Variants in C1orf56 observed in about 807,000 individuals in gnomAD.
C1orf56 encodes protein MENT.
C1orf56 carries 14 observed loss-of-function variants against 20.7 expected under a neutral mutation model. The observed-to-expected ratio is 0.68, with a 90% CI of 0.45 to 1.06. The LOEUF (loss-of-function observed/expected upper bound fraction) is 1.06. Among genes scored for constraint, C1orf56 ranks in the 50% least tolerant of loss-of-function variants. The probability of loss-of-function intolerance (pLI) is 0.00; values close to 1 mark genes in which losing one functional copy is unlikely to be tolerated. For synonymous variants in C1orf56, 187 were observed against 194.7 expected, an observed-to-expected ratio of 0.96 and a Z score of 0.33; for missense variants, 424 against 451.4, an observed-to-expected ratio of 0.94 and a Z score of 0.55.
Position 151,047,838 on chromosome 1 carries a change from G to A in C1orf56, c.-10G>A. ...ACTGGCCACCCTCCCAACCCCAAGA[G>A]CCCAGCCCCATGGTCCCCGCCGCCG... On this transcript the variant is annotated 5_prime_UTR_variant, in exon 1 of 2. Coordinates refer to ENST00000368926, the MANE Select transcript of C1orf56 (RefSeq NM_017860.5). 6.4e-7 allele frequency: 1 copy of A among 1,551,988 alleles called. No homozygotes were observed.
Position 151,048,055 on chromosome 1 carries a change from G to A in C1orf56, c.208G>A (p.Ala70Thr), listed in dbSNP as rs759197324. ...TRIILEDEND[A>T]MADADRLAGP... ...GATAATCCTAGAGGACGAGAATGAT[G>A]CCATGGCCGACGCCGACCGCCTGGC... is the stretch of plus-strand genomic sequence containing the variant. The change falls in exon 1 of 2, where the codon GCC becomes ACC. Residue 70 changes from alanine (A) to threonine (T), a missense_variant. Physicochemically the swap from Ala to Thr is moderately conservative, Grantham distance 58. Transcript: ENST00000368926. This position sits in a 1 kb window ranked among gnomAD's most constrained non-coding sequence, Gnocchi z 4.8. 3.7e-6 allele frequency: 6 copies of A among 1,614,124 alleles called. No individual in the cohort carries two copies. The highest frequency in any genetic ancestry group is 2.7e-5 in the African/African-American group (2 of 75,066).
Position 151,047,890 on chromosome 1 carries a change from A to T in C1orf56, c.43A>T (p.Asn15Tyr). Residue 15 changes from asparagine (N) to tyrosine (Y), a missense_variant, in exon 1 of 2, where the codon AAT becomes TAT. Physicochemically the swap from Asn to Tyr is moderately radical, Grantham distance 143. Transcript: ENST00000368926. ...AGALLWVLLL[N>Y]LGPRAAGAQG... The stretch of plus-strand genomic sequence containing the variant: ...CGCGCTGCTGTGGGTCCTGCTGCTG[A>T]ATCTGGGTCCCCGGGCGGCGGGGGC... 1 of 1,605,756 alleles carries T rather than the reference A, an allele frequency of 6.2e-7. No individual in the cohort carries two copies. Among genetic ancestry groups the T allele is most frequent in the South Asian group, 1.1e-5 (1 of 90,200 alleles).
chr1:151,047,834 A>G lies in C1orf56; in HGVS notation c.-14A>G. 1 of 1,537,944 alleles carries G rather than the reference A, an allele frequency of 6.5e-7. No homozygotes were observed. The highest frequency in any genetic ancestry group is 8.7e-7 in the Non-Finnish European group (1 of 1,147,826). On this transcript the variant is annotated 5_prime_UTR_variant, in exon 1 of 2. Transcript: ENST00000368926. ...CCTCACTGGCCACCCTCCCAACCCC[A>G]AGAGCCCAGCCCCATGGTCCCCGCC...
intron 1 of C1orf56, chr1:151,049,734 G>A (rs1394569404): frequency 6.6e-6 from 1 of 152,128 alleles, no homozygotes; most frequent in Non-Finnish European, 1.5e-5. Context: ...ATCTCGCTAT[G>A]TTGCCCAGGC....
rs971394656 is a variant in C1orf56, at chr1:151,051,204, G to A, written c.*746G>A. On this transcript the variant is annotated 3_prime_UTR_variant, in exon 2 of 2. Transcript: ENST00000368926. ...TCACGGTGACCAGAGATTTCTAGGAGTCTCTAACCTTTCCACCCTATCCTG... is the reference window on the plus strand; with the variant it reads ...TCACGGTGACCAGAGATTTCTAGGAATCTCTAACCTTTCCACCCTATCCTG... The A allele has an allele frequency of 1.3e-5, 2 of 151,578 alleles. No individual in the cohort carries two copies. The highest frequency in any genetic ancestry group is 4.8e-5 in the African/African-American group (2 of 41,248). 9.4% of individuals were successfully genotyped at this position (151,578 alleles called of 1,614,324 possible).
Position 151,048,222 on chromosome 1 carries a change from C to T in C1orf56, c.375C>T (p.Pro125=), listed in dbSNP as rs1676100513. Reference sequence around the variant, plus strand: ...AGGATAGCACCAGCAGAGAGCTTCCCAGTGCGACTCCCAATACAGCGGGGA... The same window carrying T: ...AGGATAGCACCAGCAGAGAGCTTCCTAGTGCGACTCCCAATACAGCGGGGA... The part of the protein sequence containing the change: ...AGKDSTSREL[P]SATPNTAGSS... Residue 125 remains proline (P), a synonymous_variant, in exon 1 of 2, where the codon CCC becomes CCT. Coordinates refer to ENST00000368926, the MANE Select transcript of C1orf56 (RefSeq NM_017860.5). This position sits in a 1 kb window ranked among gnomAD's most constrained non-coding sequence, Gnocchi z 4.8. 6.2e-7 allele frequency: 1 copy of T among 1,614,120 alleles called. No individual in the cohort carries two copies. Among genetic ancestry groups the T allele is most frequent in the African/African-American group, 1.3e-5 (1 of 74,948 alleles).
Position 151,048,023 on chromosome 1 carries a change from A to G in C1orf56, c.176A>G (p.Lys59Arg), listed in dbSNP as rs587667964. The G allele has an allele frequency of 1.1e-5, 18 of 1,614,102 alleles. No individual in the cohort carries two copies. In the South Asian group the frequency reaches 1.4e-4, roughly 13 times the overall value. The stretch of plus-strand genomic sequence containing the variant: ...ACCGCCCGGACTGGTCTTCCCCGGA[A>G]GACAAGGATAATCCTAGAGGACGAG... ...RSTARTGLPR[K>R]TRIILEDEND... The change falls in exon 1 of 2, where the codon AAG becomes AGG. Residue 59 changes from lysine to arginine, a missense_variant. Transcript: ENST00000368926. This position sits in a 1 kb window ranked among gnomAD's most constrained non-coding sequence, Gnocchi z 4.8.
intron 1 of C1orf56, among the ~76,000 whole-genome samples, chr1:151,049,396 C>G (rs1282784438): frequency 6.6e-6 from 1 of 151,910 alleles, no homozygotes; most frequent in African/African-American, 2.4e-5. Context: ...GGATTATAGG[C>G]ATGAGCCACC....
intron 1 of C1orf56, 73 bp from the exon 2 acceptor site, chr1:151,050,365 T>C: frequency 6.8e-7 from 1 of 1,472,878 alleles, no homozygotes; most frequent in Admixed American, 1.9e-5. Flanking sequence ...GAGGGGGAGA[T>C]GAAGCAAGGA....
At position 151,048,134 on chromosome 1, in the gene C1orf56, G is replaced by T; in HGVS notation, c.287G>T (p.Arg96Leu). The change falls in exon 1 of 2, where the codon CGG becomes CTG. Residue 96 changes from arginine (R) to leucine (L), a missense_variant. By Grantham distance (102) the Arg-to-Leu change is moderately radical. Transcript: ENST00000368926. This position sits in a 1 kb window ranked among gnomAD's most constrained non-coding sequence, Gnocchi z 4.8. ...GCCACGGTGTCCACCGGCTTTAGCC[G>T]GTCGTCCGCCATTAACGAGGAGGAT... ...LAATVSTGFS[R>L]SSAINEEDGS... 6.2e-7 allele frequency: 1 copy of T among 1,613,642 alleles called. No individual in the cohort carries two copies. Among genetic ancestry groups the T allele is most frequent in the Middle Eastern group, 1.6e-4 (1 of 6,062 alleles).
rs1676178817 is a variant in C1orf56, at chr1:151,051,404, A to AAAG, written c.*948_*949insGAA. 1 of 147,654 alleles carries AAAG rather than the reference A, an allele frequency of 6.8e-6. No homozygotes were observed. The highest frequency in any genetic ancestry group is 1.5e-5 in the Non-Finnish European group (1 of 66,726). 9.1% of individuals were successfully genotyped at this position (147,654 alleles called of 1,614,324 possible). A position where few individuals can be genotyped will look rare whatever the true frequency, so the allele number is the denominator to read the frequency against. On this transcript the variant is annotated 3_prime_UTR_variant, in exon 2 of 2. Transcript: ENST00000368926. ...ATACATGGAAATTTGAAAAAAAAAA[A>AAAG]AAAAAAAAAAAAAAAAGAACCTCAG...
chr1:151,047,874 G>A lies in C1orf56; in HGVS notation c.27G>A (p.Leu9=), dbSNP rs1395312314. The A allele has an allele frequency of 4.4e-6, 7 of 1,597,592 alleles. No homozygotes were observed. The South Asian group carries it at 7.9e-5, about 18-fold the overall frequency. Residue 9 remains leucine (L), a synonymous_variant, in exon 1 of 2, where the codon CTG becomes CTA. Transcript: ENST00000368926. ...TGGTCCCCGCCGCCGGCGCGCTGCT[G>A]TGGGTCCTGCTGCTGAATCTGGGTC... is the stretch of plus-strand genomic sequence containing the variant. MVPAAGAL[L]WVLLLNLGPR... is the part of the protein sequence containing the mutation.
rs1676166442 is a variant in C1orf56 at position 151,051,042 on chromosome 1, T to C, written c.*584T>C. On this transcript the variant is annotated 3_prime_UTR_variant, in exon 2 of 2. Coordinates refer to ENST00000368926, the MANE Select transcript of C1orf56 (RefSeq NM_017860.5). The stretch of plus-strand genomic sequence containing the variant: ...TTAAAAGTCCAACAACTTTTTAATA[T>C]AAATTACGACTCTCAAACCCATTCC... The C allele has an allele frequency of 6.6e-6, 1 of 152,232 alleles. No individual in the cohort carries two copies. Among genetic ancestry groups the C allele is most frequent in the African/African-American group, 2.4e-5 (1 of 41,428 alleles). The allele number at this position is 152,232 out of a possible 1,614,324, so 9.4% of individuals were successfully genotyped here.
rs956154147 is a variant in C1orf56 at position 151,051,135 on chromosome 1, G to C, written c.*677G>C. 1 of 151,910 alleles carries C rather than the reference G, an allele frequency of 6.6e-6. No homozygotes were observed. Among genetic ancestry groups the C allele is most frequent in the Non-Finnish European group, 1.5e-5 (1 of 67,976 alleles). 9.4% of individuals were successfully genotyped at this position (151,910 alleles called of 1,614,324 possible). A position where few individuals can be genotyped will look rare whatever the true frequency, so the allele number is the denominator to read the frequency against. On this transcript the variant is annotated 3_prime_UTR_variant, in exon 2 of 2. Coordinates refer to ENST00000368926, the MANE Select transcript of C1orf56 (RefSeq NM_017860.5). ...AGCTAAAGGCAAGAGAGCACCAAAG[G>C]AAAAAGACTGTCCAAAGAACAGGTA...
At position 151,050,497 on chromosome 1, in the gene C1orf56, A is replaced by G. The variant is rs755935051; in HGVS notation, c.*39A>G. 1.9e-6 allele frequency: 3 copies of G among 1,592,734 alleles called. No individual in the cohort carries two copies. Among genetic ancestry groups the G allele is most frequent in the East Asian group, 2.2e-5 (1 of 44,546 alleles). On this transcript the variant is annotated 3_prime_UTR_variant, in exon 2 of 2. Transcript: ENST00000368926. The stretch of plus-strand genomic sequence containing the variant: ...CACATGAGGAGATGTCAGTATCTCA[A>G]CCTCTCTTGCCCTTTCAATCCTAGC...
Position 151,051,393 on chromosome 1 carries a change from G to GAAGA in C1orf56, c.*937_*938insGAAA, listed in dbSNP as rs1676176879. 2.9e-5 allele frequency: 1 copy of GAAGA among 34,100 alleles called. No homozygotes were observed. Among genetic ancestry groups the GAAGA allele is most frequent in the African/African-American group, 1.4e-4 (1 of 7,386 alleles). The allele number at this position is 34,100 out of a possible 1,614,324, so 2.1% of individuals were successfully genotyped here. A position where few individuals can be genotyped will look rare whatever the true frequency, so the allele number is the denominator to read the frequency against. ...AATGGCAGAAAATACATGGAAATTTGAAAAAAAAAAAAAAAAAAAAAAAAA... is the reference window on the plus strand; with the variant it reads ...AATGGCAGAAAATACATGGAAATTTGAAGAAAAAAAAAAAAAAAAAAAAAAAAAA... On this transcript the variant is annotated 3_prime_UTR_variant, in exon 2 of 2. Transcript: ENST00000368926.
In C1orf56 at chr1:151,051,396, A is replaced by AG; in HGVS notation, c.*938_*939insG. On this transcript the variant is annotated 3_prime_UTR_variant, in exon 2 of 2. Transcript: ENST00000368926. ...GGCAGAAAATACATGGAAATTTGAAAAAAAAAAAAAAAAAAAAAAAAAAAG... is the reference window on the plus strand; with the variant it reads ...GGCAGAAAATACATGGAAATTTGAAAGAAAAAAAAAAAAAAAAAAAAAAAAG... The AG allele has an allele frequency of 7.5e-6, 1 of 133,888 alleles. No individual in the cohort carries two copies. Among genetic ancestry groups the AG allele is most frequent in the East Asian group, 2.1e-4 (1 of 4,758 alleles). The allele number at this position is 133,888 out of a possible 1,614,324, so 8.3% of individuals were successfully genotyped here. A position where few individuals can be genotyped will look rare whatever the true frequency, so the allele number is the denominator to read the frequency against.
chr1:151,047,859 C>T lies in C1orf56; in HGVS notation c.12C>T (p.Ala4=). The T allele has an allele frequency of 2.5e-6, 4 of 1,580,004 alleles. No individual in the cohort carries two copies. Among genetic ancestry groups the T allele is most frequent in the Non-Finnish European group, 2.6e-6 (3 of 1,164,870 alleles). The part of the protein sequence containing the change: MVP[A]AGALLWVLLL... Reference sequence around the variant, plus strand: ...AAGAGCCCAGCCCCATGGTCCCCGCCGCCGGCGCGCTGCTGTGGGTCCTGC... The same window carrying T: ...AAGAGCCCAGCCCCATGGTCCCCGCTGCCGGCGCGCTGCTGTGGGTCCTGC... Residue 4 remains alanine, a synonymous_variant, in exon 1 of 2, where the codon GCC becomes GCT. Transcript: ENST00000368926.
At position 151,047,820 on chromosome 1, in the gene C1orf56, A is replaced by G; in HGVS notation, c.-28A>G. ...GGAGGCAGGGCTTGCCTCACTGGCC[A>G]CCCTCCCAACCCCAAGAGCCCAGCC... On this transcript the variant is annotated 5_prime_UTR_variant, in exon 1 of 2. Coordinates refer to ENST00000368926, the MANE Select transcript of C1orf56 (RefSeq NM_017860.5). The G allele has an allele frequency of 7.3e-6, 11 of 1,508,610 alleles. No individual in the cohort carries two copies. The highest frequency in any genetic ancestry group is 9.7e-6 in the Non-Finnish European group (11 of 1,135,460). The allele number at this position is 1,508,610 out of a possible 1,614,324, so 93.5% of individuals were successfully genotyped here.
Sources: gnomAD v4.1 joint callset for allele counts (sites outside exome capture counted in the v4.1 genomes callset) on GRCh38, gnomAD v4.1.1 for gene constraint, Gnocchi (gnomAD v3.1) non-coding constraint, MANE v1.5 for transcripts, NCBI Gene and HGNC (gene_info 2026-07-23, HGNC 2026-07-21) for gene names.